TFAP2B: variants seen among roughly 807,000 people sequenced by gnomAD.
TFAP2B encodes transcription factor AP-2-beta.
Under a neutral mutation model 44.3 loss-of-function variants are expected in TFAP2B, and 9 were observed. That is an observed-to-expected ratio of 0.20 (90% CI 0.12 to 0.35). The LOEUF (loss-of-function observed/expected upper bound fraction) is 0.35, where lower values mean the gene tolerates loss of function less well. TFAP2B is among the 10% of genes least tolerant of loss of function. The pLI, the probability that TFAP2B is intolerant of heterozygous loss-of-function variation, is 1.00. For missense variants in TFAP2B, 509 were observed against 600.0 expected, an observed-to-expected ratio of 0.85 and a Z score of 1.59; for synonymous variants, 270 against 263.8, an observed-to-expected ratio of 1.02 and a Z score of -0.23.
intron 1 of TFAP2B, among the ~76,000 whole-genome samples, chr6:50,820,757 C>G (rs1364827280): frequency 6.6e-6 from 1 of 152,188 alleles, no homozygotes; most frequent in Non-Finnish European, 1.5e-5. Flanking sequence ...ACAGCTCAAG[C>G]TATATGCATG....
chr6:50,836,457 C>T (rs1343940861), intron 4 of TFAP2B, among the ~76,000 whole-genome samples, 177 bp downstream of exon 4: 2 of 152,220 alleles, frequency 1.3e-5, no homozygotes, highest in Admixed American at 6.5e-5. Context: ...GGAGGATCCG[C>T]GGCCGCCACC....
intron 6 of TFAP2B, 33 bp downstream of exon 6, chr6:50,840,330 C>T: frequency 1.9e-6 from 3 of 1,611,200 alleles, no homozygotes; most frequent in Non-Finnish European, 1.7e-6. Context: ...CCTCATCTCA[C>T]TCCCAGCTGG....
intron 6 of TFAP2B, 89 bp from the exon 7 acceptor site, chr6:50,843,003 G>A: frequency 6.5e-7 from 1 of 1,550,128 alleles, no homozygotes; most frequent in Non-Finnish European, 8.9e-7. Flanking sequence ...GTGACCCGGC[G>A]CCTCTGGGCT....
At chr6:50,836,581 G>A (rs1159309247) in intron 4 of TFAP2B, among the ~76,000 whole-genome samples, 2 of 152,156 alleles carry the variant, frequency 1.3e-5, no homozygotes, top group Admixed American at 1.3e-4. Context: ...TGCGCCTGGC[G>A]CCTCTCTTCC....
chr6:50,837,639 A>G (rs1762648186), intron 4 of TFAP2B, among the ~76,000 whole-genome samples: 1 of 152,044 alleles, frequency 6.6e-6, no homozygotes, highest in East Asian at 1.9e-4. Context: ...TGCTCACCTC[A>G]CTAACTCCAT....
intron 3 of TFAP2B, among the ~76,000 whole-genome samples, chr6:50,831,480 T>G (rs1475849383): frequency 6.6e-6 from 1 of 152,064 alleles, no homozygotes; most frequent in Non-Finnish European, 1.5e-5. Flanking sequence ...TAATGAAAGG[T>G]GCTTTTTAAA....
At chr6:50,825,025 C>T (rs1353132905) in intron 2 of TFAP2B, among the ~76,000 whole-genome samples, 1 of 152,138 alleles carries the variant, frequency 6.6e-6, no homozygotes, top group Non-Finnish European at 1.5e-5. Context: ...AGTCATTCTT[C>T]TGTACCTTGC....
At position 50,836,291 on chromosome 6, in the gene TFAP2B, C is replaced by T; in HGVS notation, c.821+11C>T. On this transcript the variant is annotated intron_variant, in intron 4 of 6. Transcript: ENST00000393655. ...CGGAGTCCTCAGAAGGTAACCCCAC[C>T]ACGAAAAACAAAAACAAAAACAAAA... 1.2e-6 allele frequency: 2 copies of T among 1,605,528 alleles called. No homozygotes were observed. Among genetic ancestry groups the T allele is most frequent in the Non-Finnish European group, 1.7e-6 (2 of 1,174,312 alleles).
chr6:50,835,336 CAT>C (rs1762598864), intron 3 of TFAP2B, among the ~76,000 whole-genome samples: 3 of 152,224 alleles, frequency 2.0e-5, no homozygotes, highest in Admixed American at 2.0e-4. Context: ...AAACAAAATT[CAT>C]GTCACTGCAG....
intron 4 of TFAP2B, among the ~76,000 whole-genome samples, chr6:50,837,641 T>C (rs1170981312): frequency 2.0e-5 from 3 of 152,102 alleles, no homozygotes; most frequent in Non-Finnish European, 4.4e-5. Flanking sequence ...CTCACCTCAC[T>C]AACTCCATGA....
intron 2 of TFAP2B, among the ~76,000 whole-genome samples, chr6:50,826,582 C>CGT (rs1770513853): frequency 6.9e-6 from 1 of 145,418 alleles, no homozygotes; most frequent in Non-Finnish European, 1.5e-5. Context: ...CGCGCGCGCG[C>CGT]GCGCGTGTGT....
intron 5 of TFAP2B, among the ~76,000 whole-genome samples, chr6:50,839,907 A>AT: frequency 6.6e-6 from 1 of 152,326 alleles, no homozygotes; most frequent in African/African-American, 2.4e-5. Flanking sequence ...CCCCGTAGCT[A>AT]TTCAGGGGAT....
chr6:50,823,141 G>A (rs1319216972), intron 1 of TFAP2B, among the ~76,000 whole-genome samples: 1 of 152,090 alleles, frequency 6.6e-6, no homozygotes, highest in Non-Finnish European at 1.5e-5. Context: ...AAATGTTATA[G>A]TTAAGTGGGT....
chr6:50,840,233 T>C lies in TFAP2B; in HGVS notation c.1018T>C (p.Leu340=), dbSNP rs758613791. 3.1e-6 allele frequency: 5 copies of C among 1,614,050 alleles called. No homozygotes were observed. The African/African-American group carries it at 4.0e-5, about 13-fold the overall frequency. The part of the protein sequence containing the change: ...EFPAKAVSEY[L]NRQHTDPSDL... ...TCCCGCCAAAGCCGTCTCTGAGTAT[T>C]TGAACCGGCAGCACACAGACCCGAG... is the stretch of plus-strand genomic sequence containing the variant. Residue 340 remains leucine (L), a synonymous_variant, in exon 6 of 7, where the codon TTG becomes CTG. Transcript: ENST00000393655.
At chr6:50,832,026 G>T (rs1234923289) in intron 3 of TFAP2B, among the ~76,000 whole-genome samples, 2 of 152,094 alleles carry the variant, frequency 1.3e-5, no homozygotes, top group Non-Finnish European at 2.9e-5. Flanking sequence ...GGGAAATAAA[G>T]AAATTGCCAA....
In TFAP2B at chr6:50,833,523, A is replaced by AAAAAACAAAAAC. The variant is rs76541102; in HGVS notation, c.602-2519_602-2508dup. Among the ~76,000 whole-genome samples, 24 of 151,560 alleles carry AAAAAACAAAAAC rather than the reference A, an allele frequency of 1.6e-4. 1 individual carries two copies. The highest frequency in any genetic ancestry group is 5.9e-4 in the East Asian group (3 of 5,124). Reference sequence around the variant, plus strand: ...TTGTCCTTGCTTTGACTGGAAGGGGAAAAAACAAAAACAAAAACAAAAACA... The same window carrying AAAAAACAAAAAC: ...TTGTCCTTGCTTTGACTGGAAGGGGAAAAAACAAAAACAAAAACAAAAACAAAAACAAAAACA... On this transcript the variant is annotated intron_variant, in intron 3 of 6. Coordinates refer to ENST00000393655, the MANE Select transcript of TFAP2B (RefSeq NM_003221.4).
intron 3 of TFAP2B, among the ~76,000 whole-genome samples, chr6:50,829,139 T>G (rs974887701): frequency 1.1e-4 from 16 of 152,242 alleles, no homozygotes; most frequent in Admixed American, 5.9e-4. Flanking sequence ...CTATGTTTTA[T>G]GAGTTGTTTT....
chr6:50,820,890 G>A (rs1427182758), intron 1 of TFAP2B, among the ~76,000 whole-genome samples: 2 of 151,860 alleles, frequency 1.3e-5, no homozygotes, highest in Non-Finnish European at 1.5e-5. Flanking sequence ...AGAGGAAGAG[G>A]GAGGGGTGGA....
chr6:50,825,446 C>T (rs116018905), intron 2 of TFAP2B, among the ~76,000 whole-genome samples: 1 of 152,168 alleles, frequency 6.6e-6, no homozygotes, highest in African/African-American at 2.4e-5. Context: ...CCTGTTACCA[C>T]CACCCTACAG....
Sources: allele counts gnomAD v4.1 joint callset (sites outside exome capture counted in the v4.1 genomes callset), GRCh38; gene constraint gnomAD v4.1.1; transcripts MANE v1.5; gene names NCBI Gene and HGNC (gene_info 2026-07-23, HGNC 2026-07-21).